Variants in HABP2 observed in about 807,000 individuals in gnomAD.
HABP2 encodes the protein factor VII-activating protease.
In HABP2, 65 loss-of-function variants were observed where a neutral mutation model predicts 66.5. That is an observed-to-expected ratio of 0.98 (90% CI 0.80 to 1.20). The LOEUF (loss-of-function observed/expected upper bound fraction) is 1.20, where lower values mean the gene tolerates loss of function less well. Ranked by LOEUF, HABP2 falls within the 50% of genes most tolerant of loss-of-function variation. The pLI is 0.00. For missense variants in HABP2, 786 were observed against 691.0 expected, an observed-to-expected ratio of 1.14 and a Z score of -1.54; for synonymous variants, 263 against 253.9, an observed-to-expected ratio of 1.04 and a Z score of -0.34.
intron 11 of HABP2, among the ~76,000 whole-genome samples, chr10:113,584,876 G>A (rs1311357637): frequency 6.6e-6 from 1 of 152,118 alleles, no homozygotes; most frequent in Non-Finnish European, 1.5e-5. Flanking sequence ...TTAGGATTTG[G>A]TCTAATTTTT....
At chr10:113,583,982 T>C (rs150990886) in intron 10 of HABP2, among the ~76,000 whole-genome samples, 166 bp from the exon 11 acceptor site, 30 of 152,330 alleles carry the variant, frequency 2.0e-4, no homozygotes, top group Middle Eastern at 3.4e-3. Flanking sequence ...TGTTACTCCT[T>C]CCTGGGTGGA....
At chr10:113,565,970 G>A (rs1401488759) in intron 1 of HABP2, among the ~76,000 whole-genome samples, 2 of 152,132 alleles carry the variant, frequency 1.3e-5, no homozygotes, top group African/African-American at 4.8e-5. Flanking sequence ...TACATCCTCA[G>A]TACATCATAT....
At position 113,583,250 on chromosome 10, in the gene HABP2, G is replaced by C. The variant is rs961608193; in HGVS notation, c.1129G>C (p.Asp377His). 1 of 1,613,326 alleles carries C rather than the reference G, an allele frequency of 6.2e-7. No homozygotes were observed. Among genetic ancestry groups the C allele is most frequent in the Non-Finnish European group, 8.5e-7 (1 of 1,179,258 alleles). Residue 377 changes from aspartate to histidine, a missense_variant, in exon 10 of 13, where the codon GAC (aspartate) becomes CAC (histidine). Coordinates refer to ENST00000351270, the MANE Select transcript of HABP2 (RefSeq NM_004132.5). ...CAGACATCTAAAGGTGGTGCTAGGG[G>C]ACCAGGACCTGAAGAAAGAAGAATT... is the stretch of plus-strand genomic sequence containing the variant. ...KTRHLKVVLG[D>H]QDLKKEEFHE...
intron 8 of HABP2, among the ~76,000 whole-genome samples, chr10:113,581,526 T>C (rs935672583): frequency 2.2e-4 from 34 of 152,338 alleles, no homozygotes; most frequent in African/African-American, 8.2e-4. Flanking sequence ...ATGATGCACA[T>C]TTATAATTGT....
In HABP2 at chr10:113,588,825, C is replaced by CCAT. The variant is rs1024297789; in HGVS notation, c.*458_*460dup. ...GAGAGGACCACAAATACAACATTCT[C>CCAT]CATCTGCTTTCAGAGTTATTATTTT... On this transcript the variant is annotated 3_prime_UTR_variant, in exon 13 of 13. Coordinates refer to ENST00000351270, the MANE Select transcript of HABP2 (RefSeq NM_004132.5). 1.5e-6 allele frequency: 1 copy of CCAT among 664,848 alleles called. No individual in the cohort carries two copies. The highest frequency in any genetic ancestry group is 2.6e-5 in the East Asian group (1 of 39,020). The allele number at this position is 664,848 out of a possible 1,614,324, so 41.2% of individuals were successfully genotyped here.
intron 1 of HABP2, among the ~76,000 whole-genome samples, chr10:113,562,456 T>G (rs1015181714): frequency 2.0e-5 from 3 of 151,600 alleles, no homozygotes; most frequent in African/African-American, 7.3e-5. Flanking sequence ...TTTTTTTTTT[T>G]TTTTTTAAGA....
At chr10:113,567,583 T>A in intron 2 of HABP2, 58 bp downstream of exon 2, 1 of 1,281,968 alleles carries the variant, frequency 7.8e-7, no homozygotes, top group Non-Finnish European at 1.1e-6. Flanking sequence ...TCTGGGCTGG[T>A]GAAAAGGAGG....
At chr10:113,583,732 T>C (rs1196931680) in intron 10 of HABP2, among the ~76,000 whole-genome samples, 1 of 152,172 alleles carries the variant, frequency 6.6e-6, no homozygotes, top group Non-Finnish European at 1.5e-5. Context: ...GGAGACACAA[T>C]GTGCTTGCAG....
intron 9 of HABP2, 139 bp downstream of exon 9, chr10:113,582,270 A>G: frequency 1.4e-6 from 1 of 731,246 alleles, no homozygotes; most frequent in Non-Finnish European, 2.1e-6. Flanking sequence ...GGGCTCCTGA[A>G]AGCCAGAGGG....
intron 12 of HABP2, 99 bp from the exon 13 acceptor site, chr10:113,588,106 C>G: frequency 1.0e-6 from 1 of 972,952 alleles, no homozygotes; most frequent in Non-Finnish European, 1.5e-6. Context: ...TGGCAAGGGA[C>G]TCCACCCCAT....
intron 1 of HABP2, among the ~76,000 whole-genome samples, chr10:113,553,453 A>C (rs1242326027): frequency 2.0e-5 from 3 of 152,360 alleles, no homozygotes; most frequent in East Asian, 3.9e-4. Flanking sequence ...GGGCAAGAAA[A>C]TGTGCCCCAG....
intron 1 of HABP2, among the ~76,000 whole-genome samples, chr10:113,564,637 A>T (rs1242981137): frequency 1.3e-5 from 2 of 152,158 alleles, no homozygotes; most frequent in Non-Finnish European, 2.9e-5. Context: ...CCCCTCACCA[A>T]CATGTTATTT....
At chr10:113,560,305 C>T (rs1172866334) in intron 1 of HABP2, among the ~76,000 whole-genome samples, 1 of 152,224 alleles carries the variant, frequency 6.6e-6, no homozygotes, top group African/African-American at 2.4e-5. Flanking sequence ...CACCACTTCA[C>T]ACCTATTAGG....
chr10:113,584,147 G>A lies in HABP2; in HGVS notation c.1238-1G>A. On this transcript the variant is annotated splice_acceptor_variant, in intron 10 of 12. Transcript: ENST00000351270. LOFTEE classifies it high-confidence loss of function. Reference sequence around the variant, plus strand: ...CATTTTCTACCTCTCTCTCCACCTAGCATTGCTCAAGTTAAAGCCAGTGGA... The same window carrying A: ...CATTTTCTACCTCTCTCTCCACCTAACATTGCTCAAGTTAAAGCCAGTGGA... 6.2e-7 allele frequency: 1 copy of A among 1,613,572 alleles called. No individual in the cohort carries two copies. The highest frequency in any genetic ancestry group is 8.5e-7 in the Non-Finnish European group (1 of 1,179,566).
At chr10:113,576,481 C>T (rs996719684) in intron 4 of HABP2, among the ~76,000 whole-genome samples, 1 of 152,188 alleles carries the variant, frequency 6.6e-6, no homozygotes, top group African/African-American at 2.4e-5. Context: ...CTGGCCCATG[C>T]TCATTCATTC....
intron 12 of HABP2, among the ~76,000 whole-genome samples, chr10:113,587,986 G>A (rs1441748746): frequency 1.3e-5 from 2 of 151,952 alleles, no homozygotes; most frequent in South Asian, 2.1e-4. Context: ...TGTTAAGCCC[G>A]CGTGGACTCA....
intron 12 of HABP2, among the ~76,000 whole-genome samples, chr10:113,586,220 C>T (rs1845630636): frequency 6.6e-6 from 1 of 152,202 alleles, no homozygotes; most frequent in South Asian, 2.1e-4. Context: ...CACCATTTTA[C>T]AGATGCTTAG....
chr10:113,572,208 A>G (rs1565101571), intron 2 of HABP2, among the ~76,000 whole-genome samples: 1 of 152,204 alleles, frequency 6.6e-6, no homozygotes, highest in Non-Finnish European at 1.5e-5. Context: ...AAGCCTATGT[A>G]TTTTATTTCT....
chr10:113,588,114 C>G, intron 12 of HABP2, 91 bp from the exon 13 acceptor site: 2 of 1,090,214 alleles, frequency 1.8e-6, no homozygotes, highest in Non-Finnish European at 1.3e-6. Context: ...GACTCCACCC[C>G]ATCCCTCCCT....
Sources: gnomAD v4.1 joint callset for allele counts (sites outside exome capture counted in the v4.1 genomes callset) on GRCh38, gnomAD v4.1.1 for gene constraint, MANE v1.5 for transcripts, NCBI Gene and HGNC (gene_info 2026-07-23, HGNC 2026-07-21) for gene names.